HSCB: variants seen among roughly 807,000 people sequenced by gnomAD.
HSCB encodes the protein HscB mitochondrial iron-sulfur cluster cochaperone.
A neutral mutation model predicts 31.3 loss-of-function variants in HSCB; 23 were observed. That is an observed-to-expected ratio of 0.74 (90% confidence interval 0.53 to 1.04). HSCB has a LOEUF of 1.04. Ranked by LOEUF, HSCB falls within the 50% of genes least tolerant of loss-of-function variation. The pLI is 0.00. For missense variants in HSCB, 297 were observed against 288.1 expected, an observed-to-expected ratio of 1.03 and a Z score of -0.22; for synonymous variants, 110 against 104.5, an observed-to-expected ratio of 1.05 and a Z score of -0.32.
At chr22:28,748,916 G>A (rs558776578) in intron 4 of HSCB, among the ~76,000 whole-genome samples, 1 of 152,254 alleles carries the variant, frequency 6.6e-6, no homozygotes, top group African/African-American at 2.4e-5. Context: ...GAAGTGGAAG[G>A]ATCACTTGAG....
Position 28,751,236 on chromosome 22 carries a change from T to G in HSCB, c.569-5T>G. ...AAAAATTAACAGAATGGTTTTCTTTTTCAGCTAAACAGAAAGAATTTACTG... is the reference window on the plus strand; with the variant it reads ...AAAAATTAACAGAATGGTTTTCTTTGTCAGCTAAACAGAAAGAATTTACTG... On this transcript the variant is annotated splice_polypyrimidine_tract_variant and splice_region_variant and intron_variant, in intron 4 of 5. Coordinates refer to ENST00000216027, the MANE Select transcript of HSCB (RefSeq NM_172002.5). The G allele has an allele frequency of 6.3e-7, 1 of 1,585,246 alleles. No individual in the cohort carries two copies. Among genetic ancestry groups the G allele is most frequent in the Non-Finnish European group, 8.6e-7 (1 of 1,158,246 alleles).
At chr22:28,745,296 T>G (rs1191755462) in intron 3 of HSCB, 2 of 150,938 alleles carry the variant, frequency 1.3e-5, no homozygotes, top group Non-Finnish European at 2.9e-5. Flanking sequence ...ACGCCTGTAA[T>G]CCCAGCACTT....
At position 28,742,335 on chromosome 22, in the gene HSCB, C is replaced by G. The variant is rs537036556; in HGVS notation, c.236+4C>G. 4 of 1,608,954 alleles carry G rather than the reference C, an allele frequency of 2.5e-6. No homozygotes were observed. The highest frequency in any genetic ancestry group is 3.4e-6 in the Non-Finnish European group (4 of 1,176,042). ...ACTACTTCAGCCTTATGGACTGGTA[C>G]GAGCGACGGTTTCGGGAAACGGGCC... On this transcript the variant is annotated splice_donor_region_variant and intron_variant, in intron 1 of 5. Transcript: ENST00000216027.
intron 5 of HSCB, among the ~76,000 whole-genome samples, chr22:28,755,119 A>G (rs2030518244): frequency 7.1e-6 from 1 of 141,094 alleles, no homozygotes; most frequent in African/African-American, 2.5e-5. Context: ...TACAAAAAAG[A>G]TGTTAAATAG....
At chr22:28,742,445 G>A (rs1438923987) in intron 1 of HSCB, 114 bp downstream of exon 1, 7 of 1,481,518 alleles carry the variant, frequency 4.7e-6, no homozygotes, top group South Asian at 1.3e-5. Flanking sequence ...TGATGGGGGG[G>A]CGGAGGTCTA....
chr22:28,743,903 T>TA lies in HSCB; in HGVS notation c.259dup (p.Thr87AsnfsTer27), dbSNP rs773607816. 1.3e-5 allele frequency: 21 copies of TA among 1,614,066 alleles called. No homozygotes were observed. The South Asian group carries it at 1.8e-4, about 14-fold the overall frequency. ...CCAGCAACCGTTCCTTCAGAGTTGA[T>TA]ACAGCGAAGCTCCAGCACAGGTACC... On this transcript the variant is annotated frameshift_variant, in exon 2 of 6. Transcript: ENST00000216027. LOFTEE classifies it high-confidence loss of function.
At chr22:28,747,230 T>G (rs190464014) in intron 4 of HSCB, among the ~76,000 whole-genome samples, 150 of 152,340 alleles carry the variant, frequency 9.8e-4, no homozygotes, top group Admixed American at 2.6e-3. Context: ...GAGTAACATC[T>G]GTTACTTAAA....
chr22:28,742,060 C>T lies in HSCB; in HGVS notation c.-36C>T. 1 of 1,576,896 alleles carries T rather than the reference C, an allele frequency of 6.3e-7. No individual in the cohort carries two copies. The highest frequency in any genetic ancestry group is 8.6e-7 in the Non-Finnish European group (1 of 1,163,324). On this transcript the variant is annotated 5_prime_UTR_variant, in exon 1 of 6. Coordinates refer to ENST00000216027, the MANE Select transcript of HSCB (RefSeq NM_172002.5). The stretch of plus-strand genomic sequence containing the variant: ...GGTTAGACGCTCTCTTTGCTTTTCC[C>T]CACGAGTGACCACGGCTAGATAGGC...
intron 5 of HSCB, among the ~76,000 whole-genome samples, chr22:28,755,733 T>C (rs2030560918): frequency 6.6e-6 from 1 of 152,200 alleles, no homozygotes; most frequent in Non-Finnish European, 1.5e-5. Context: ...ACATTGTGTT[T>C]TACTTATCTA....
intron 4 of HSCB, among the ~76,000 whole-genome samples, chr22:28,749,291 A>G (rs2030064461): frequency 6.6e-6 from 1 of 151,834 alleles, no homozygotes. Context: ...CCTCATCTAT[A>G]CTGGGCACCC....
Position 28,745,958 on chromosome 22 carries a change from C to T in HSCB, c.518C>T (p.Ala173Val), listed in dbSNP as rs147315192. ...ATAATGGAAATCAATGAAAAACTCG[C>T]AGAAGCTGAAAGTGAAGCTGCCATG... ...IEIMEINEKL[A>V]EAESEAAMKE... The change falls in exon 4 of 6, where the codon GCA becomes GTA. Residue 173 changes from alanine (A) to valine (V), a missense_variant. Coordinates refer to ENST00000216027, the MANE Select transcript of HSCB (RefSeq NM_172002.5). 10 of 1,613,782 alleles carry T rather than the reference C, an allele frequency of 6.2e-6. No homozygotes were observed. In the Admixed American group the frequency reaches 6.7e-5, roughly 11 times the overall value.
chr22:28,751,558 T>C (rs1014406230), intron 5 of HSCB, among the ~76,000 whole-genome samples: 2 of 152,182 alleles, frequency 1.3e-5, no homozygotes, highest in African/African-American at 2.4e-5. Flanking sequence ...CCATCCTGGC[T>C]AACACGGTGA....
At chr22:28,750,974 A>C (rs1270473948) in intron 4 of HSCB, among the ~76,000 whole-genome samples, 1 of 38,772 alleles carries the variant, frequency 2.6e-5, no homozygotes, top group African/African-American at 1.0e-4. Flanking sequence ...TTTTTTACTG[A>C]TTCTATAGCC....
At chr22:28,744,568 CTT>C in intron 2 of HSCB, 45 bp from the exon 3 acceptor site, 1 of 1,414,126 alleles carries the variant, frequency 7.1e-7, no homozygotes, top group Non-Finnish European at 1.0e-6. Flanking sequence ...AACAAAAAAA[CTT>C]TGTGATTTGG....
At chr22:28,753,610 G>A (rs886136844) in intron 5 of HSCB, among the ~76,000 whole-genome samples, 5 of 148,542 alleles carry the variant, frequency 3.4e-5, no homozygotes, top group African/African-American at 1.0e-4. Context: ...AGGCTGAGGC[G>A]GGTGGGTCAT....
Position 28,757,345 on chromosome 22 carries a change from C to T in HSCB, c.*176C>T, listed in dbSNP as rs1023472499. 28 of 444,422 alleles carry T rather than the reference C, an allele frequency of 6.3e-5. No individual in the cohort carries two copies. Among genetic ancestry groups the T allele is most frequent in the African/African-American group, 5.0e-4 (25 of 49,576 alleles). 27.5% of individuals were successfully genotyped at this position (444,422 alleles called of 1,614,324 possible). A position where few individuals can be genotyped will look rare whatever the true frequency, so the allele number is the denominator to read the frequency against. On this transcript the variant is annotated 3_prime_UTR_variant, in exon 6 of 6. Coordinates refer to ENST00000216027, the MANE Select transcript of HSCB (RefSeq NM_172002.5). Reference sequence around the variant, plus strand: ...GCTGAAAATACAAAAATTAGCCGGGCATGGTGGCGCGTGCCTGTAATCCCA... The same window carrying T: ...GCTGAAAATACAAAAATTAGCCGGGTATGGTGGCGCGTGCCTGTAATCCCA...
At chr22:28,750,643 A>G (rs993061084) in intron 4 of HSCB, among the ~76,000 whole-genome samples, 3 of 152,232 alleles carry the variant, frequency 2.0e-5, no homozygotes, top group Non-Finnish European at 4.4e-5. Context: ...AGACGACACC[A>G]TATAAATAAC....
At chr22:28,746,472 G>C (rs544935334) in intron 4 of HSCB, among the ~76,000 whole-genome samples, 1 of 151,894 alleles carries the variant, frequency 6.6e-6, no homozygotes. Context: ...ATAGGGTAGG[G>C]CTGGGCACAG....
At chr22:28,742,901 C>T (rs777038600) in intron 1 of HSCB, among the ~76,000 whole-genome samples, 14 of 151,890 alleles carry the variant, frequency 9.2e-5, no homozygotes, top group Non-Finnish European at 1.9e-4. Flanking sequence ...GACTGAGGTT[C>T]TTGGAGAGAC....
Sources: gnomAD v4.1 joint callset for allele counts (sites outside exome capture counted in the v4.1 genomes callset) on GRCh38, gnomAD v4.1.1 for gene constraint, MANE v1.5 for transcripts, NCBI Gene and HGNC (gene_info 2026-07-23, HGNC 2026-07-21) for gene names.